The following NEK10 variants were observed in gnomAD, a reference collection of about 807,000 sequenced individuals.
The protein encoded by NEK10 is serine/threonine-protein kinase Nek10.
A neutral mutation model predicts 159.8 loss-of-function variants in NEK10; 122 were observed. The ratio of observed to expected loss-of-function variants is 0.76; its 90% CI spans 0.66 to 0.89. The LOEUF (loss-of-function observed/expected upper bound fraction) is 0.89. NEK10 is among the 40% of genes least tolerant of loss of function. The probability of loss-of-function intolerance (pLI) is 0.00; values close to 1 mark genes in which losing one functional copy is unlikely to be tolerated. For synonymous variants in NEK10, 466 were observed against 457.1 expected (o/e 1.02, Z -0.25); for missense variants, 1,342 against 1,323.1 (o/e 1.01, Z -0.22).
At chr3:27,271,690 C>A (rs1224691497) in intron 22 of NEK10, among the ~76,000 whole-genome samples, 1 of 152,000 alleles carries the variant, frequency 6.6e-6, no homozygotes, top group Non-Finnish European at 1.5e-5. Flanking sequence ...TTTGGGAGAC[C>A]TGGGTGGTAA....
At chr3:27,224,922 A>T (rs1182250269) in intron 23 of NEK10, among the ~76,000 whole-genome samples, 1 of 152,216 alleles carries the variant, frequency 6.6e-6, no homozygotes, top group Non-Finnish European at 1.5e-5. Context: ...ACTATTAATT[A>T]TAACTACATG....
rs139474480 is a variant in NEK10, at chr3:27,177,999, T to G, written c.2506-3166A>C. On this transcript the variant is annotated intron_variant, in intron 26 of 35. Transcript: ENST00000691995. ...TTAACTAGTTTTTTTGGCATCTGCA[T>G]GCATCTATCCTAGGAATGGATAGAC... is the stretch of plus-strand genomic sequence containing the variant. 2.8e-3 allele frequency among the ~76,000 whole-genome samples: 427 copies of G among 152,282 alleles called. 1 individual carries two copies. Among genetic ancestry groups the G allele is most frequent in the African/African-American group, 9.2e-3 (384 of 41,558 alleles).
rs1253133942 is a variant in NEK10, at chr3:27,354,821, TCA to T, written c.-37-1904_-37-1903del. Among the ~76,000 whole-genome samples the T allele has an allele frequency of 5.9e-5, 9 of 152,026 alleles. No individual in the cohort carries two copies. The East Asian group carries it at 1.7e-3, about 30-fold the overall frequency. ...GGAATGCTGCAGTGTAGATTAGTCC[TCA>T]GAGTTGTCTAAACTGAGAGAAGTGA... On this transcript the variant is annotated intron_variant, in intron 1 of 35. Coordinates refer to ENST00000691995, the MANE Select transcript of NEK10 (RefSeq NM_001394966.1).
intron 33 of NEK10, among the ~76,000 whole-genome samples, chr3:27,118,806 A>C (rs1330330880): frequency 6.6e-6 from 1 of 152,208 alleles, no homozygotes; most frequent in Admixed American, 6.5e-5. Flanking sequence ...TTTTAAATAA[A>C]ATTCTGCATA....
rs759362084 is a variant in NEK10 at position 27,163,507 on chromosome 3, ACGCCCAGCTAAT to A, written c.2832-781_2832-770del. Among the ~76,000 whole-genome samples the A allele has an allele frequency of 5.3e-5, 8 of 152,088 alleles. No homozygotes were observed. In the South Asian group the frequency reaches 1.0e-3, roughly 20 times the overall value. On this transcript the variant is annotated intron_variant, in intron 29 of 35. Transcript: ENST00000691995. ...GCTGGGACTACAGGTGCCCGCCACC[ACGCCCAGCTAAT>A]TTTCTTGTATTTTTAGTAGAGACAG...
chr3:27,284,790 G>C, intron 21 of NEK10, 50 bp downstream of exon 21: 2 of 1,548,540 alleles, frequency 1.3e-6, no homozygotes, highest in Non-Finnish European at 1.8e-6. Flanking sequence ...TAAGAAGCCA[G>C]CTCAGAACAT....
chr3:27,319,154 G>C (rs776954657), intron 6 of NEK10, among the ~76,000 whole-genome samples: 1 of 152,096 alleles, frequency 6.6e-6, no homozygotes, highest in African/African-American at 2.4e-5. Context: ...TTACAATTCA[G>C]GATCTTTTAA....
At chr3:27,124,232 T>C (rs537243767) in intron 32 of NEK10, among the ~76,000 whole-genome samples, 1 of 152,014 alleles carries the variant, frequency 6.6e-6, no homozygotes, top group Non-Finnish European at 1.5e-5. Context: ...AGTATGCTAA[T>C]AAAAAAATGC....
chr3:27,289,351 T>C (rs1215355569), intron 19 of NEK10, among the ~76,000 whole-genome samples: 1 of 152,222 alleles, frequency 6.6e-6, no homozygotes, highest in Non-Finnish European at 1.5e-5. Context: ...CCATTTGTTT[T>C]GCTTCTGCCT....
chr3:27,319,819 T>C (rs546696222), intron 6 of NEK10, among the ~76,000 whole-genome samples: 1 of 152,296 alleles, frequency 6.6e-6, no homozygotes, highest in South Asian at 2.1e-4. Flanking sequence ...TGGGCTTTCC[T>C]GTAAAACAGA....
intron 22 of NEK10, among the ~76,000 whole-genome samples, chr3:27,272,116 T>A (rs556822570): frequency 1.1e-3 from 160 of 152,332 alleles, no homozygotes; most frequent in African/African-American, 3.5e-3. Context: ...ACTGTATAGA[T>A]GCAAGGTATT....
chr3:27,183,675 C>CAT (rs1948351177), intron 26 of NEK10, among the ~76,000 whole-genome samples: 2 of 151,934 alleles, frequency 1.3e-5, no homozygotes, highest in Non-Finnish European at 2.9e-5. Context: ...GTTTGCAATA[C>CAT]ATATGTTTGA....
chr3:27,174,738 G>A lies in NEK10; in HGVS notation c.2601C>T (p.Gly867=). 6.2e-7 allele frequency: 1 copy of A among 1,613,728 alleles called. No homozygotes were observed. Among genetic ancestry groups the A allele is most frequent in the East Asian group, 2.2e-5 (1 of 44,854 alleles). Residue 867 remains glycine, a synonymous_variant, in exon 27 of 36, where the codon GGC becomes GGT. Transcript: ENST00000691995. The stretch of plus-strand genomic sequence containing the variant: ...CGTCTTTACCATAGGAGGCCTGGAA[G>A]CCTTCAGGGGGCAGGTCTGCGCTTT... The part of the protein sequence containing the change: ...LSESADLPPE[G]FQASYGKDED...
chr3:27,312,071 A>C (rs1166784052), intron 8 of NEK10, 28 bp downstream of exon 8: 2 of 1,493,378 alleles, frequency 1.3e-6, no homozygotes, highest in Non-Finnish European at 1.9e-6. Flanking sequence ...GTCCACAAAA[A>C]TGGCTGTGTC....
At chr3:27,317,694 T>C (rs2045308217) in intron 6 of NEK10, among the ~76,000 whole-genome samples, 1 of 152,216 alleles carries the variant, frequency 6.6e-6, no homozygotes, top group Non-Finnish European at 1.5e-5. Context: ...AATCAATGAA[T>C]GCTGAACACA....
intron 33 of NEK10, among the ~76,000 whole-genome samples, chr3:27,117,189 G>C (rs975419104): frequency 1.3e-5 from 2 of 152,168 alleles, no homozygotes; most frequent in African/African-American, 2.4e-5. Flanking sequence ...GGTATTCCAT[G>C]GTGCATGTGT....
In NEK10 at chr3:27,174,719, T is replaced by C; in HGVS notation, c.2620A>G (p.Lys874Glu). 6.2e-7 allele frequency: 1 copy of C among 1,613,616 alleles called. No individual in the cohort carries two copies. The highest frequency in any genetic ancestry group is 2.2e-5 in the East Asian group (1 of 44,860). Residue 874 changes from lysine to glutamate, a missense_variant, in exon 27 of 36, where the codon AAA becomes GAA. Physicochemically the swap from Lys to Glu is moderately conservative, Grantham distance 56. Coordinates refer to ENST00000691995, the MANE Select transcript of NEK10 (RefSeq NM_001394966.1). ...PPEGFQASYG[K>E]DEDRACDEIL... ...TCGTCACAGGCCCTGTCTTCGTCTTTACCATAGGAGGCCTGGAAGCCTTCA... is the reference window on the plus strand; with the variant it reads ...TCGTCACAGGCCCTGTCTTCGTCTTCACCATAGGAGGCCTGGAAGCCTTCA...
At chr3:27,326,984 T>C (rs549709109) in intron 5 of NEK10, among the ~76,000 whole-genome samples, 29 of 152,304 alleles carry the variant, frequency 1.9e-4, no homozygotes, top group African/African-American at 6.5e-4. Context: ...GCTGAGGGAC[T>C]AGGAAACACA....
At chr3:27,237,319 G>A (rs146464622) in intron 23 of NEK10, among the ~76,000 whole-genome samples, 3,088 of 152,152 alleles carry the variant, frequency 0.02, 111 homozygotes, top group African/African-American at 0.071. Flanking sequence ...CTCAGCTTAC[G>A]AAGATAACAG....
Sources: gnomAD v4.1 joint callset for allele counts (sites outside exome capture counted in the v4.1 genomes callset) on GRCh38, gnomAD v4.1.1 for gene constraint, MANE v1.5 for transcripts, NCBI Gene and HGNC (gene_info 2026-07-23, HGNC 2026-07-21) for gene names.